OXR1: variants seen among roughly 807,000 people sequenced by gnomAD.
OXR1 encodes oxidation resistance protein 1.
A neutral mutation model predicts 104.6 loss-of-function variants in OXR1; 41 were observed. That is an observed-to-expected ratio of 0.39 (90% CI 0.31 to 0.51). The LOEUF is 0.51. OXR1 is among the 20% of genes least tolerant of loss of function. The pLI is 0.77. For synonymous variants in OXR1, 348 were observed against 348.4 expected, an observed-to-expected ratio of 1.00 and a Z score of 0.01; for missense variants, 955 against 1,031.9, an observed-to-expected ratio of 0.93 and a Z score of 1.02.
intron 2 of OXR1, among the ~76,000 whole-genome samples, chr8:106,505,906 G>A (rs1812127541): frequency 6.6e-6 from 1 of 152,208 alleles, no homozygotes; most frequent in Admixed American, 6.5e-5. Context: ...GTTTAAAAAT[G>A]CTTGCTCTGG....
intron 12 of OXR1, among the ~76,000 whole-genome samples, chr8:106,738,998 T>G (rs1347267922): frequency 2.6e-5 from 4 of 151,808 alleles, no homozygotes; most frequent in African/African-American, 9.7e-5. Flanking sequence ...ACATTAAAAT[T>G]TTGGCACCCA....
At chr8:106,378,074 C>G (rs571577341) in intron 2 of OXR1, among the ~76,000 whole-genome samples, 1 of 152,244 alleles carries the variant, frequency 6.6e-6, no homozygotes, top group African/African-American at 2.4e-5. Context: ...AAGTGCATAT[C>G]TATATTAAGA....
chr8:106,584,267 A>G (rs1818461926), intron 3 of OXR1, among the ~76,000 whole-genome samples: 1 of 152,006 alleles, frequency 6.6e-6, no homozygotes, highest in Non-Finnish European at 1.5e-5. Context: ...ATGGAACTCC[A>G]TCATCCAAAC....
chr8:106,393,272 A>G (rs1817652321), intron 2 of OXR1, among the ~76,000 whole-genome samples: 1 of 152,218 alleles, frequency 6.6e-6, no homozygotes, highest in South Asian at 2.1e-4. Flanking sequence ...TCCTAATGGT[A>G]AATTGATAAC....
At chr8:106,276,580 C>G (rs1255220806) in intron 1 of OXR1, among the ~76,000 whole-genome samples, 2 of 152,150 alleles carry the variant, frequency 1.3e-5, no homozygotes, top group African/African-American at 2.4e-5. Flanking sequence ...AGTAGTCACT[C>G]TGCATCATTT....
chr8:106,698,397 G>A (rs773105047), intron 7 of OXR1, among the ~76,000 whole-genome samples: 37 of 151,920 alleles, frequency 2.4e-4, no homozygotes, highest in Non-Finnish European at 1.5e-5. Context: ...GTTTTGCTGG[G>A]GGTTCCTTTA....
chr8:106,547,254 A>G (rs1815432257), intron 3 of OXR1, among the ~76,000 whole-genome samples: 1 of 152,180 alleles, frequency 6.6e-6, no homozygotes, highest in Non-Finnish European at 1.5e-5. Flanking sequence ...ATTCATCTCC[A>G]GAACATTTTC....
intron 3 of OXR1, among the ~76,000 whole-genome samples, chr8:106,595,207 A>T (rs900828883): frequency 6.6e-6 from 1 of 152,204 alleles, no homozygotes; most frequent in African/African-American, 2.4e-5. Context: ...TTTGTTAAAA[A>T]GCAGTCTGAT....
chr8:106,309,670 TGTG>T (rs766758480), intron 1 of OXR1, among the ~76,000 whole-genome samples: 11 of 151,818 alleles, frequency 7.2e-5, no homozygotes, highest in South Asian at 4.1e-4. Context: ...TGTTTTCACA[TGTG>T]GTAAAATTTT....
intron 3 of OXR1, among the ~76,000 whole-genome samples, chr8:106,527,880 T>C (rs969267723): frequency 2.0e-5 from 3 of 152,222 alleles, no homozygotes; most frequent in African/African-American, 7.2e-5. Flanking sequence ...GGTAAAGAGC[T>C]CATCCTCTAC....
At chr8:106,313,639 C>T (rs1362022829) in intron 1 of OXR1, among the ~76,000 whole-genome samples, 2 of 89,588 alleles carry the variant, frequency 2.2e-5, no homozygotes, top group Non-Finnish European at 4.5e-5. Flanking sequence ...TACGTTTATT[C>T]TCCTTTTGCT....
chr8:106,697,893 C>A, intron 7 of OXR1: 1 of 1,612,430 alleles, frequency 6.2e-7, no homozygotes, highest in Non-Finnish European at 8.5e-7. Context: ...GGCCCACATC[C>A]TTTCGGCACT....
intron 1 of OXR1, among the ~76,000 whole-genome samples, chr8:106,286,327 A>G (rs1812499811): frequency 6.6e-6 from 1 of 151,540 alleles, no homozygotes; most frequent in Non-Finnish European, 1.5e-5. Context: ...TTTCAGCTGC[A>G]TTAACCCATT....
intron 3 of OXR1, among the ~76,000 whole-genome samples, chr8:106,644,877 A>T (rs1266840488): frequency 6.6e-6 from 1 of 152,188 alleles, no homozygotes; most frequent in African/African-American, 2.4e-5. Context: ...CCCTACAGCC[A>T]TGGAACCAGA....
intron 11 of OXR1, among the ~76,000 whole-genome samples, chr8:106,733,427 T>C (rs1172540981): frequency 6.6e-6 from 1 of 152,212 alleles, no homozygotes; most frequent in Non-Finnish European, 1.5e-5. Context: ...AATTGGCTTC[T>C]GGTTCCATTG....
At chr8:106,691,976 TCTATATATATACACACACACACACACAC>T (rs1829338576) in intron 6 of OXR1, among the ~76,000 whole-genome samples, 1 of 75,478 alleles carries the variant, frequency 1.3e-5, no homozygotes. Flanking sequence ...TGTGTGTGTG[TCTATATATATACACACACACACACACAC>T]ATATATATAT....
intron 2 of OXR1, among the ~76,000 whole-genome samples, chr8:106,464,886 T>G (rs1329578357): frequency 6.6e-6 from 1 of 152,046 alleles, no homozygotes; most frequent in Non-Finnish European, 1.5e-5. Flanking sequence ...CTGCTGTCAC[T>G]ACATTTATAC....
chr8:106,473,493 T>G (rs1156779172), intron 2 of OXR1, among the ~76,000 whole-genome samples: 3 of 151,884 alleles, frequency 2.0e-5, no homozygotes, highest in South Asian at 4.2e-4. Flanking sequence ...GATTGTAGGT[T>G]TAAAAGAAAA....
At position 106,360,146 on chromosome 8, in the gene OXR1, A is replaced by C. The variant is rs532039773; in HGVS notation, c.23+510A>C. On this transcript the variant is annotated intron_variant, in intron 2 of 16. Transcript: ENST00000517566. The stretch of plus-strand genomic sequence containing the variant: ...CTCTAAATAGCTGGCATTCTAAATA[A>C]TCTTTGACTTTCAGTGCATGTTTAA... Among the ~76,000 whole-genome samples the C allele has an allele frequency of 5.5e-4, 84 of 152,320 alleles. 1 individual carries two copies. In the South Asian group the frequency reaches 0.016, roughly 30 times the overall value.
Sources: allele counts gnomAD v4.1 joint callset (sites outside exome capture counted in the v4.1 genomes callset), GRCh38; gene constraint gnomAD v4.1.1; transcripts MANE v1.5; gene names NCBI Gene and HGNC (gene_info 2026-07-23, HGNC 2026-07-21).